Variants in CAMK2D observed in about 807,000 individuals in gnomAD.
CAMK2D encodes the protein calcium/calmodulin-dependent protein kinase type II subunit delta.
In CAMK2D, 37 loss-of-function variants were observed where a neutral mutation model predicts 84.0. That is an observed-to-expected ratio of 0.44 (90% CI 0.34 to 0.58). The LOEUF is 0.58. Among genes scored for constraint, CAMK2D ranks in the 20% least tolerant of loss-of-function variants. CAMK2D has a pLI of 0.02. For missense variants in CAMK2D, 448 were observed against 652.5 expected (o/e 0.69, Z 3.41); for synonymous variants, 202 against 212.5 (o/e 0.95, Z 0.43).
chr4:113,668,232 A>T (rs2099265339), intron 2 of CAMK2D, among the ~76,000 whole-genome samples: 1 of 152,206 alleles, frequency 6.6e-6, no homozygotes, highest in Admixed American at 6.5e-5. Flanking sequence ...ACAGAGGAAT[A>T]AAAACCCATA....
chr4:113,634,668 C>T (rs1169382764), intron 3 of CAMK2D, among the ~76,000 whole-genome samples: 2 of 152,162 alleles, frequency 1.3e-5, no homozygotes, highest in African/African-American at 4.8e-5. Flanking sequence ...AGCACTAGAG[C>T]GTTTTTGTTT....
chr4:113,452,553 T>C lies in CAMK2D; in HGVS notation c.*1992A>G, dbSNP rs1458589698. The C allele has an allele frequency of 6.6e-6, 1 of 152,646 alleles. No homozygotes were observed. The highest frequency in any genetic ancestry group is 2.4e-5 in the African/African-American group (1 of 41,454). 9.5% of individuals were successfully genotyped at this position (152,646 alleles called of 1,614,324 possible). A position where few individuals can be genotyped will look rare whatever the true frequency, so the allele number is the denominator to read the frequency against. On this transcript the variant is annotated 3_prime_UTR_variant, in exon 21 of 21. Transcript: ENST00000511664. ...GAAGATAATAAATGTGTAATTCATT[T>C]GTGGTGGAGAGAACAAATCACAATT...
intron 4 of CAMK2D, 78 bp downstream of exon 4, chr4:113,609,074 G>A (rs3764806): frequency 0.14 from 109,614 of 786,188 alleles, 8,677 homozygotes; most frequent in South Asian, 0.18. Flanking sequence ...AATTTGGACT[G>A]TACAGTGAGA....
chr4:113,489,409 C>A (rs993759700), intron 16 of CAMK2D, among the ~76,000 whole-genome samples: 2 of 150,268 alleles, frequency 1.3e-5, no homozygotes, highest in Non-Finnish European at 3.0e-5. Flanking sequence ...TTTGTTCTTG[C>A]GATAGTTTAC....
chr4:113,745,360 T>C (rs2099601914), intron 2 of CAMK2D, among the ~76,000 whole-genome samples: 1 of 152,216 alleles, frequency 6.6e-6, no homozygotes, highest in Admixed American at 6.5e-5. Flanking sequence ...CTTTCTTGCT[T>C]CTGCCATTAA....
At chr4:113,551,534 A>G (rs940341015) in intron 5 of CAMK2D, among the ~76,000 whole-genome samples, 2 of 152,134 alleles carry the variant, frequency 1.3e-5, no homozygotes, top group Non-Finnish European at 2.9e-5. Context: ...TGATGATGAA[A>G]ATGTTCTATA....
chr4:113,578,426 C>A (rs2098793701), intron 4 of CAMK2D, among the ~76,000 whole-genome samples: 1 of 152,174 alleles, frequency 6.6e-6, no homozygotes, highest in South Asian at 2.1e-4. Context: ...CCACACTGTG[C>A]CACTCACTCT....
At chr4:113,728,162 A>G (rs963644203) in intron 2 of CAMK2D, among the ~76,000 whole-genome samples, 2 of 152,166 alleles carry the variant, frequency 1.3e-5, no homozygotes, top group Non-Finnish European at 2.9e-5. Flanking sequence ...ACTCCTAAGT[A>G]TTTACCCAAT....
chr4:113,600,708 C>T (rs1448369083), intron 4 of CAMK2D, among the ~76,000 whole-genome samples: 1 of 152,172 alleles, frequency 6.6e-6, no homozygotes, highest in Non-Finnish European at 1.5e-5. Context: ...TCTTGTCTCA[C>T]TGCAGCCTTG....
chr4:113,601,988 T>G (rs1265201966), intron 4 of CAMK2D, among the ~76,000 whole-genome samples: 1 of 152,156 alleles, frequency 6.6e-6, no homozygotes, highest in African/African-American at 2.4e-5. Context: ...TGGACCACTG[T>G]GCCCAGCCTC....
intron 2 of CAMK2D, among the ~76,000 whole-genome samples, chr4:113,714,935 G>A (rs1039977287): frequency 2.0e-5 from 3 of 151,962 alleles, no homozygotes; most frequent in African/African-American, 7.2e-5. Flanking sequence ...ATGGTATTTT[G>A]CAACTAAAAT....
chr4:113,637,502 G>A (rs1224893228), intron 3 of CAMK2D, among the ~76,000 whole-genome samples: 1 of 152,184 alleles, frequency 6.6e-6, no homozygotes, highest in Non-Finnish European at 1.5e-5. Context: ...AAACTTGTGA[G>A]TCCTTATCTT....
In CAMK2D at chr4:113,761,425, CG is replaced by C. The variant is rs2099641169; in HGVS notation, c.-358del. ...CGGGAAATGGAAAAACAGCCAGGCA[CG>C]GGACGAGTGGCAAGCAGTTGCGAAA... On this transcript the variant is annotated 5_prime_UTR_variant, in exon 1 of 21. Coordinates refer to ENST00000511664, the MANE Select transcript of CAMK2D (RefSeq NM_001321571.2). 41 of 1,201,882 alleles carry C rather than the reference CG, an allele frequency of 3.4e-5. No individual in the cohort carries two copies. In the South Asian group the frequency reaches 6.5e-4, roughly 19 times the overall value. 74.5% of individuals were successfully genotyped at this position (1,201,882 alleles called of 1,614,324 possible).
At chr4:113,568,236 C>A (rs2098735016) in intron 4 of CAMK2D, among the ~76,000 whole-genome samples, 1 of 152,122 alleles carries the variant, frequency 6.6e-6, no homozygotes, top group Non-Finnish European at 1.5e-5. Flanking sequence ...ATCCATTCCC[C>A]CTCTCCTCCA....
chr4:113,691,776 A>G (rs1181742982), intron 2 of CAMK2D, among the ~76,000 whole-genome samples: 1 of 152,132 alleles, frequency 6.6e-6, no homozygotes, highest in Non-Finnish European at 1.5e-5. Flanking sequence ...AAATAAAAAT[A>G]AAATGAGTAA....
chr4:113,538,368 A>C (rs1440126413), intron 6 of CAMK2D, among the ~76,000 whole-genome samples: 2 of 152,150 alleles, frequency 1.3e-5, no homozygotes, highest in African/African-American at 2.4e-5. Context: ...GGATTTTAAG[A>C]AATGAAGATG....
At chr4:113,729,399 C>T (rs1333100222) in intron 2 of CAMK2D, among the ~76,000 whole-genome samples, 1 of 152,152 alleles carries the variant, frequency 6.6e-6, no homozygotes, top group Admixed American at 6.6e-5. Flanking sequence ...GCTCTTCCAC[C>T]CTCACTAAGT....
At chr4:113,457,140 T>A in intron 19 of CAMK2D, 195 bp downstream of exon 19, 1 of 1,406,476 alleles carries the variant, frequency 7.1e-7, no homozygotes, top group Non-Finnish European at 9.3e-7. Context: ...CTATAGCAAG[T>A]TTCAACCCAC....
At chr4:113,525,191 A>G (rs1343839717) in intron 8 of CAMK2D, among the ~76,000 whole-genome samples, 1 of 152,234 alleles carries the variant, frequency 6.6e-6, no homozygotes, top group East Asian at 1.9e-4. Context: ...GTCAAGGTAC[A>G]TTTGTGACAG....
Sources: allele counts gnomAD v4.1 joint callset (sites outside exome capture counted in the v4.1 genomes callset), GRCh38; gene constraint gnomAD v4.1.1; transcripts MANE v1.5; gene names NCBI Gene and HGNC (gene_info 2026-07-23, HGNC 2026-07-21).